Variants in METTL3 observed in about 807,000 individuals in gnomAD.
METTL3 encodes N(6)-adenosine-methyltransferase catalytic subunit METTL3.
In METTL3, 42 loss-of-function variants were observed where a neutral mutation model predicts 64.3. The ratio of observed to expected loss-of-function variants is 0.65; its 90% CI spans 0.51 to 0.84. METTL3 has a LOEUF of 0.84. Ranked by LOEUF, METTL3 falls within the 40% of genes least tolerant of loss-of-function variation. The pLI is 0.00. For synonymous variants in METTL3, 256 were observed against 263.6 expected (o/e 0.97, Z 0.28); for missense variants, 435 against 722.3 (o/e 0.60, Z 4.56).
chr14:21,499,223 A>G, intron 9 of METTL3, 83 bp downstream of exon 9: 2 of 1,592,038 alleles, frequency 1.3e-6, no homozygotes, highest in Non-Finnish European at 1.7e-6. Flanking sequence ...TAAATGAGAA[A>G]AATCTGGGAT....
Position 21,511,066 on chromosome 14 carries a change from T to C in METTL3, c.100+58A>G, listed in dbSNP as rs1485110767. 2.5e-5 allele frequency: 40 copies of C among 1,581,542 alleles called. 2 individuals are homozygous for C. In the South Asian group the frequency reaches 4.2e-4, roughly 17 times the overall value. On this transcript the variant is annotated intron_variant, in intron 1 of 10. Coordinates refer to ENST00000298717, the MANE Select transcript of METTL3 (RefSeq NM_019852.5). ...GGCAGTGACTCTGGAGCTTTTTCTC[T>C]AGGGATCCCGCCCGTCCTCCCCGGT...
At chr14:21,498,751 T>C (rs1891476870) in intron 10 of METTL3, 1 of 479,532 alleles carries the variant, frequency 2.1e-6, no homozygotes, top group South Asian at 2.8e-5. Flanking sequence ...AGGGGGCAGA[T>C]TCAATACATC....
At chr14:21,508,907 A>G (rs1039329486) in intron 1 of METTL3, among the ~76,000 whole-genome samples, 2 of 152,220 alleles carry the variant, frequency 1.3e-5, no homozygotes, top group African/African-American at 2.4e-5. Context: ...AAATAAATAA[A>G]TAAGTATGAT....
At chr14:21,504,747 A>C (rs1183559609) in intron 1 of METTL3, 2 of 151,492 alleles carry the variant, frequency 1.3e-5, no homozygotes, top group Admixed American at 1.3e-4. Flanking sequence ...CCTGGCCAAC[A>C]TGGTGAAACC....
At chr14:21,498,813 G>A (rs2139637853) in intron 10 of METTL3, 1 of 550,030 alleles carries the variant, frequency 1.8e-6, no homozygotes, top group Non-Finnish European at 3.2e-6. Flanking sequence ...GAAACCCTAG[G>A]GAGCAGTGCT....
Position 21,498,387 on chromosome 14 carries a change from G to A in METTL3, c.1632-18C>T, listed in dbSNP as rs758557131. 1 of 1,612,688 alleles carries A rather than the reference G, an allele frequency of 6.2e-7. No individual in the cohort carries two copies. Among genetic ancestry groups the A allele is most frequent in the Non-Finnish European group, 8.5e-7 (1 of 1,179,478 alleles). The stretch of plus-strand genomic sequence containing the variant: ...GGGTGATCCTGAAACAGTGTAAAAG[G>A]AGGGGCAAACCAGAAATCCTGGAAT... On this transcript the variant is annotated intron_variant, in intron 10 of 10. Coordinates refer to ENST00000298717, the MANE Select transcript of METTL3 (RefSeq NM_019852.5).
At chr14:21,501,545 A>G in intron 4 of METTL3, 183 bp downstream of exon 4, 1 of 727,820 alleles carries the variant, frequency 1.4e-6, no homozygotes, top group Non-Finnish European at 2.2e-6. Flanking sequence ...GTTATTTGGG[A>G]GTACAGCCTG....
intron 1 of METTL3, among the ~76,000 whole-genome samples, chr14:21,510,151 A>G (rs719785): frequency 0.22 from 32,798 of 152,156 alleles, 4,314 homozygotes; most frequent in Middle Eastern, 0.33. Context: ...CTCCCCTTGA[A>G]TCCTATGCTT....
chr14:21,499,099 G>A lies in METTL3; in HGVS notation c.1557C>T (p.Gly519=), dbSNP rs750991435. Residue 519 remains glycine, a synonymous_variant, in exon 10 of 11, where the codon GGC becomes GGT. Coordinates refer to ENST00000298717, the MANE Select transcript of METTL3 (RefSeq NM_019852.5). ...TGCCAGGAGATAGTCTTTCAATCATGCCATAGATTTCATCTGGTTTATGAC... is the reference window on the plus strand; with the variant it reads ...TGCCAGGAGATAGTCTTTCAATCATACCATAGATTTCATCTGGTTTATGAC... ...STSHKPDEIY[G]MIERLSPGTR... 8.7e-6 allele frequency: 14 copies of A among 1,614,076 alleles called. No homozygotes were observed. In the South Asian group the frequency reaches 1.4e-4, roughly 16 times the overall value.
chr14:21,498,477 T>C (rs896076369), intron 10 of METTL3, 108 bp from the exon 11 acceptor site: 16 of 1,011,434 alleles, frequency 1.6e-5, no homozygotes, highest in African/African-American at 8.1e-5. Flanking sequence ...ATATCAAATA[T>C]GCCAATTCTA....
At chr14:21,500,191 C>G (rs757685338) in intron 6 of METTL3, among the ~76,000 whole-genome samples, 1 of 151,984 alleles carries the variant, frequency 6.6e-6, no homozygotes, top group Non-Finnish European at 1.5e-5. Context: ...AATCCAGTCT[C>G]TACTAAAAAT....
In METTL3 at chr14:21,511,322, C is replaced by G. The variant is rs1048529735; in HGVS notation, c.-99G>C. 9.5e-6 allele frequency: 14 copies of G among 1,479,326 alleles called. No individual in the cohort carries two copies. Among genetic ancestry groups the G allele is most frequent in the Admixed American group, 7.5e-5 (3 of 39,988 alleles). 91.6% of individuals were successfully genotyped at this position (1,479,326 alleles called of 1,614,324 possible). A position where few individuals can be genotyped will look rare whatever the true frequency, so the allele number is the denominator to read the frequency against. ...ATAGCCAATTCTCACGCGGACACCCCGAAGGCTAACCGGAAAATGACCCCT... is the reference window on the plus strand; with the variant it reads ...ATAGCCAATTCTCACGCGGACACCCGGAAGGCTAACCGGAAAATGACCCCT... On this transcript the variant is annotated 5_prime_UTR_variant, in exon 1 of 11. Coordinates refer to ENST00000298717, the MANE Select transcript of METTL3 (RefSeq NM_019852.5).
rs1250466504 is a variant in METTL3 at position 21,501,559 on chromosome 14, T to C, written c.899+169A>G. On this transcript the variant is annotated intron_variant, in intron 4 of 10. Coordinates refer to ENST00000298717, the MANE Select transcript of METTL3 (RefSeq NM_019852.5). Reference sequence around the variant, plus strand: ...AGTTATTTGGGAGTACAGCCTGTATTCTTCCCACACAATGCACTTCTGAAA... The same window carrying C: ...AGTTATTTGGGAGTACAGCCTGTATCCTTCCCACACAATGCACTTCTGAAA... 3 of 824,462 alleles carry C rather than the reference T, an allele frequency of 3.6e-6. No individual in the cohort carries two copies. In the African/African-American group the frequency reaches 5.2e-5, roughly 14 times the overall value. 51.1% of individuals were successfully genotyped at this position (824,462 alleles called of 1,614,324 possible).
In METTL3 at chr14:21,503,221, T is replaced by A. The variant is rs372699136; in HGVS notation, c.675A>T (p.Ile225=). 9.9e-6 allele frequency: 16 copies of A among 1,614,040 alleles called. No individual in the cohort carries two copies. Among genetic ancestry groups the A allele is most frequent in the Non-Finnish European group, 1.0e-5 (12 of 1,180,010 alleles). ...TGGACTGTTGGTTCAGAAGGCTCTCTATCTCCAGATCAACATCTGAGGCAG... is the reference window on the plus strand; with the variant it reads ...TGGACTGTTGGTTCAGAAGGCTCTCAATCTCCAGATCAACATCTGAGGCAG... ...KHAASDVDLE[I]ESLLNQQSTK... The change falls in exon 3 of 11, where the codon ATA becomes ATT. Residue 225 remains isoleucine (I), a synonymous_variant. Coordinates refer to ENST00000298717, the MANE Select transcript of METTL3 (RefSeq NM_019852.5).
chr14:21,507,977 A>G (rs1226863956), intron 1 of METTL3: 1 of 152,162 alleles, frequency 6.6e-6, no homozygotes, highest in African/African-American at 2.4e-5. Flanking sequence ...AAGAGTCTTA[A>G]CTAGACTGGG....
At chr14:21,507,918 C>G (rs1415081315) in intron 1 of METTL3, 3 of 152,092 alleles carry the variant, frequency 2.0e-5, no homozygotes, top group Non-Finnish European at 4.4e-5. Flanking sequence ...ATCAAGCTCT[C>G]GGTCAGAAGA....
chr14:21,511,026 G>GACA (rs1891822507), intron 1 of METTL3, 98 bp downstream of exon 1: 11 of 1,363,748 alleles, frequency 8.1e-6, no homozygotes, highest in Non-Finnish European at 8.9e-6. Flanking sequence ...TTATAGAAAT[G>GACA]GCCGTTTGGT....
At chr14:21,510,934 C>G in intron 1 of METTL3, 190 bp downstream of exon 1, 1 of 605,270 alleles carries the variant, frequency 1.7e-6, no homozygotes, top group Non-Finnish European at 2.8e-6. Flanking sequence ...CGAGGCCCAG[C>G]GTGAGGAGGA....
At chr14:21,500,785 T>G in intron 5 of METTL3, 103 bp from the exon 6 acceptor site, 1 of 1,429,694 alleles carries the variant, frequency 7.0e-7, no homozygotes, top group Non-Finnish European at 9.6e-7. Context: ...TAAAAGCTTA[T>G]CTATCCCCCT....
Sources: allele counts gnomAD v4.1 joint callset (sites outside exome capture counted in the v4.1 genomes callset), GRCh38; gene constraint gnomAD v4.1.1; transcripts MANE v1.5; gene names NCBI Gene and HGNC (gene_info 2026-07-23, HGNC 2026-07-21).